RNF130: variants seen among roughly 807,000 people sequenced by gnomAD.
The protein encoded by RNF130 is E3 ubiquitin-protein ligase RNF130.
A neutral mutation model predicts 44.6 loss-of-function variants in RNF130; 21 were observed. That is an observed-to-expected ratio of 0.47 (90% CI 0.33 to 0.68). The LOEUF (loss-of-function observed/expected upper bound fraction) is 0.68. RNF130 is among the 30% of genes least tolerant of loss of function. RNF130 has a pLI of 0.02. For missense variants in RNF130, 479 were observed against 560.6 expected, an observed-to-expected ratio of 0.85 and a Z score of 1.47; for synonymous variants, 214 against 210.4, an observed-to-expected ratio of 1.02 and a Z score of -0.15.
intron 1 of RNF130, among the ~76,000 whole-genome samples, chr5:180,056,490 G>T (rs1168195410): frequency 6.6e-6 from 1 of 152,250 alleles, no homozygotes; most frequent in East Asian, 1.9e-4. Flanking sequence ...ATATGGGAGT[G>T]GGGGGTCTAA....
chr5:179,935,714 T>C (rs557425087), intron 7 of RNF130, among the ~76,000 whole-genome samples: 1 of 152,274 alleles, frequency 6.6e-6, no homozygotes, highest in Admixed American at 6.5e-5. Flanking sequence ...GTTTTCTCTC[T>C]ATTAGTGTAT....
intron 3 of RNF130, among the ~76,000 whole-genome samples, chr5:179,995,143 A>G (rs907512614): frequency 1.3e-5 from 2 of 152,228 alleles, no homozygotes; most frequent in African/African-American, 4.8e-5. Context: ...TCAATGTCCC[A>G]GCACAGGAAG....
At chr5:179,991,694 G>A (rs916069504) in intron 3 of RNF130, among the ~76,000 whole-genome samples, 24 of 152,116 alleles carry the variant, frequency 1.6e-4, no homozygotes, top group African/African-American at 4.3e-4. Flanking sequence ...ACAGACTGGC[G>A]GGTAGGGGAT....
At chr5:180,032,978 ATT>A (rs748809010) in intron 2 of RNF130, among the ~76,000 whole-genome samples, 4 of 145,472 alleles carry the variant, frequency 2.7e-5, no homozygotes, top group Non-Finnish European at 4.6e-5. Flanking sequence ...ATTTATCCAG[ATT>A]TTTTTTTTTT....
chr5:179,988,765 A>G (rs913563554), intron 3 of RNF130, among the ~76,000 whole-genome samples: 30 of 152,154 alleles, frequency 2.0e-4, no homozygotes, highest in African/African-American at 7.0e-4. Flanking sequence ...TATGATTTCT[A>G]TTTTTAAAAA....
intron 8 of RNF130, among the ~76,000 whole-genome samples, chr5:179,962,876 C>T (rs1409329407): frequency 1.3e-5 from 2 of 152,164 alleles, no homozygotes; most frequent in African/African-American, 2.4e-5. Flanking sequence ...TTCCTTTTAC[C>T]GACGTGAAGC....
chr5:179,936,130 CTCTTA>C (rs921585391), intron 7 of RNF130, among the ~76,000 whole-genome samples: 2 of 152,124 alleles, frequency 1.3e-5, no homozygotes, highest in African/African-American at 4.8e-5. Flanking sequence ...TCTTTCTTTT[CTCTTA>C]TCTTGAGACA....
intron 3 of RNF130, among the ~76,000 whole-genome samples, chr5:179,994,726 C>A (rs1012933110): frequency 6.6e-6 from 1 of 152,286 alleles, no homozygotes; most frequent in Admixed American, 6.5e-5. Flanking sequence ...TAAAAGAAGT[C>A]ATGAGAAGCT....
intron 7 of RNF130, among the ~76,000 whole-genome samples, chr5:179,966,165 C>T (rs1762439671): frequency 1.3e-5 from 2 of 152,210 alleles, no homozygotes; most frequent in Admixed American, 1.3e-4. Context: ...CATCAATACA[C>T]TCAGCATTTC....
chr5:179,956,445 T>A (rs1762213307), intron 8 of RNF130: 1 of 152,498 alleles, frequency 6.6e-6, no homozygotes, highest in African/African-American at 2.4e-5. Context: ...ACCTAATCTA[T>A]CTTCCTGCCT....
rs576657335 is a variant in RNF130, at chr5:179,959,304, C to A, written c.1245-3635G>T. Among the ~76,000 whole-genome samples, 419 of 152,200 alleles carry A rather than the reference C, an allele frequency of 2.8e-3. 2 individuals carry two copies. The highest frequency in any genetic ancestry group is 4.6e-3 in the Non-Finnish European group (315 of 68,006). ...ACATCAAATAATTAAATTTTCAGACCCTTTTATGCTGAGTGTGCTAGTTTC... is the reference window on the plus strand; with the variant it reads ...ACATCAAATAATTAAATTTTCAGACACTTTTATGCTGAGTGTGCTAGTTTC... On this transcript the variant is annotated intron_variant, in intron 8 of 8. Coordinates refer to ENST00000521389, the MANE Select transcript of RNF130 (RefSeq NM_018434.6).
At chr5:179,930,156 C>T (rs1229230656) in intron 7 of RNF130, among the ~76,000 whole-genome samples, 1 of 152,146 alleles carries the variant, frequency 6.6e-6, no homozygotes, top group Admixed American at 6.5e-5. Context: ...CCCCCGGGTT[C>T]AAGCGATTCT....
At chr5:179,943,297 T>C (rs914730363) in intron 7 of RNF130, among the ~76,000 whole-genome samples, 10 of 152,170 alleles carry the variant, frequency 6.6e-5, no homozygotes, top group African/African-American at 2.4e-4. Flanking sequence ...GGGGAATGTG[T>C]GTGAAACCAT....
At position 179,994,954 on chromosome 5, in the gene RNF130, G is replaced by C. The variant is rs556803816; in HGVS notation, c.694-14754C>G. 3.3e-5 allele frequency among the ~76,000 whole-genome samples: 5 copies of C among 152,296 alleles called. No individual in the cohort carries two copies. In the East Asian group the frequency reaches 9.7e-4, roughly 29 times the overall value. ...CTCAGTGGTTTGGGTCTTACACTCA[G>C]CCTTGGGGGAGGGGAGGGGACTGGT... On this transcript the variant is annotated intron_variant, in intron 3 of 8. Coordinates refer to ENST00000521389, the MANE Select transcript of RNF130 (RefSeq NM_018434.6).
At position 179,980,178 on chromosome 5, in the gene RNF130, T is replaced by C. The variant is rs1405442699; in HGVS notation, c.716A>G (p.Lys239Arg). Residue 239 changes from lysine (K) to arginine (R), a missense_variant, in exon 4 of 9, where the codon AAG becomes AGG. By Grantham distance (26) the Lys-to-Arg change is conservative. Around this residue, in one of 3 missense-constraint regions of RNF130, gnomAD observed 180 missense variants for 275.1 expected, o/e 0.65. Coordinates refer to ENST00000521389, the MANE Select transcript of RNF130 (RefSeq NM_018434.6). Reference sequence around the variant, plus strand: ...GGTTGTCAATTTACTGATGGCTTTCTTGGCTGCATCTCCGAGACGACGCTA... The same window carrying C: ...GGTTGTCAATTTACTGATGGCTTTCCTGGCTGCATCTCCGAGACGACGCTA... ...RNQRRLGDAA[K>R]KAISKLTTRT... is the part of the protein sequence containing the mutation. 27 of 1,614,062 alleles carry C rather than the reference T, an allele frequency of 1.7e-5. No homozygotes were observed. Among genetic ancestry groups the C allele is most frequent in the Non-Finnish European group, 2.1e-5 (25 of 1,180,026 alleles).
At chr5:180,040,302 T>C (rs1021201151) in intron 2 of RNF130, 151 bp downstream of exon 2, 6 of 681,702 alleles carry the variant, frequency 8.8e-6, no homozygotes, top group Admixed American at 3.1e-5. Flanking sequence ...AATTCAACTA[T>C]GGGGAAAAAA....
chr5:179,961,363 C>A (rs3797771), intron 8 of RNF130, among the ~76,000 whole-genome samples: 1 of 152,186 alleles, frequency 6.6e-6, no homozygotes, highest in Non-Finnish European at 1.5e-5. Flanking sequence ...CAACCCTCTA[C>A]AACTGCTAAT....
chr5:180,036,822 T>G (rs1229457828), intron 2 of RNF130, among the ~76,000 whole-genome samples: 2 of 132,054 alleles, frequency 1.5e-5, no homozygotes, highest in African/African-American at 5.8e-5. Flanking sequence ...GAATATAATG[T>G]CTGTCTACCC....
intron 7 of RNF130, among the ~76,000 whole-genome samples, chr5:179,947,805 T>G (rs552316046): frequency 6.6e-6 from 1 of 152,206 alleles, no homozygotes; most frequent in Admixed American, 6.5e-5. Flanking sequence ...ATAGCATATA[T>G]ATACTGCATA....
Sources: allele counts gnomAD v4.1 joint callset (sites outside exome capture counted in the v4.1 genomes callset), GRCh38; gene constraint gnomAD v4.1.1; regional missense constraint gnomAD v4.1.1; transcripts MANE v1.5; gene names NCBI Gene and HGNC (gene_info 2026-07-23, HGNC 2026-07-21).